Variants in RPS6KC1 observed in about 807,000 individuals in gnomAD.
RPS6KC1 encodes the protein ribosomal protein S6 kinase C1.
In RPS6KC1, 54 loss-of-function variants were observed where a neutral mutation model predicts 103.8. The ratio of observed to expected loss-of-function variants is 0.52; its 90% CI spans 0.42 to 0.65. RPS6KC1 has a LOEUF of 0.65. Among genes scored for constraint, RPS6KC1 ranks in the 30% least tolerant of loss-of-function variants. RPS6KC1 has a pLI of 0.00. For missense variants in RPS6KC1, 1,151 were observed against 1,253.8 expected, an observed-to-expected ratio of 0.92 and a Z score of 1.24; for synonymous variants, 439 against 438.7, an observed-to-expected ratio of 1.00 and a Z score of -0.01.
the RPS6KC1 span, among the ~76,000 whole-genome samples, chr1:213,674,049 C>T: frequency 2.6e-5 from 4 of 151,996 alleles, no homozygotes; most frequent in Non-Finnish European, 5.9e-5. Flanking sequence ...GACAGAGTCT[C>T]GCTATGTTGC....
chr1:213,551,462 A>G, the RPS6KC1 span, among the ~76,000 whole-genome samples: 1 of 152,142 alleles, frequency 6.6e-6, no homozygotes, highest in African/African-American at 2.4e-5. Flanking sequence ...CTCTCCATGA[A>G]TGTTGGTATC....
At chr1:213,265,910 G>T (rs557043169) in intron 14 of RPS6KC1, among the ~76,000 whole-genome samples, 1 of 152,244 alleles carries the variant, frequency 6.6e-6, no homozygotes, top group South Asian at 2.1e-4. Context: ...TCAAATCTTT[G>T]CCACTTACTA....
chr1:213,189,499 A>C (rs1402120397), intron 8 of RPS6KC1, among the ~76,000 whole-genome samples: 1 of 151,266 alleles, frequency 6.6e-6, no homozygotes. Flanking sequence ...CACACTTCTT[A>C]AATTTTTTTT....
At chr1:213,732,360 C>CGTGTGTGT in the RPS6KC1 span, among the ~76,000 whole-genome samples, 2 of 150,772 alleles carry the variant, frequency 1.3e-5, no homozygotes, top group Non-Finnish European at 3.0e-5. Context: ...TGTGCGTGTG[C>CGTGTGTGT]GTGTGTGTGT....
the RPS6KC1 span, among the ~76,000 whole-genome samples, chr1:213,604,709 G>A: frequency 2.0e-5 from 3 of 152,172 alleles, no homozygotes; most frequent in African/African-American, 7.2e-5. Context: ...CTGCAGCCCT[G>A]GGGCGACCAT....
chr1:213,424,959 T>G, the RPS6KC1 span, among the ~76,000 whole-genome samples: 11 of 152,146 alleles, frequency 7.2e-5, no homozygotes, highest in Non-Finnish European at 1.3e-4. Flanking sequence ...GGACAGAGGC[T>G]GAAGCCCACC....
At chr1:213,279,278 T>C (rs903451451), downstream of RPS6KC1, among the ~76,000 whole-genome samples, 2 of 152,170 alleles carry the variant, frequency 1.3e-5, no homozygotes, top group Non-Finnish European at 2.9e-5. Flanking sequence ...AGAATATAAA[T>C]GAGGGGGTAC....
At chr1:213,483,701 T>C in the RPS6KC1 span, among the ~76,000 whole-genome samples, 1 of 152,256 alleles carries the variant, frequency 6.6e-6, no homozygotes, top group Non-Finnish European at 1.5e-5. Flanking sequence ...TGGCTCCTGT[T>C]AGCATCTCTG....
At chr1:213,678,303 C>T in the RPS6KC1 span, among the ~76,000 whole-genome samples, 2 of 152,226 alleles carry the variant, frequency 1.3e-5, no homozygotes, top group South Asian at 4.1e-4. Context: ...ACACTAGCCC[C>T]TGCATTAAGA....
chr1:213,607,683 G>A, the RPS6KC1 span, among the ~76,000 whole-genome samples: 14 of 96,722 alleles, frequency 1.4e-4, no homozygotes, highest in Non-Finnish European at 1.3e-4. Flanking sequence ...AGTGACAGTT[G>A]CAATTACACA....
At chr1:213,298,746 CTT>C in the RPS6KC1 span, among the ~76,000 whole-genome samples, 1 of 151,914 alleles carries the variant, frequency 6.6e-6, no homozygotes, top group Non-Finnish European at 1.5e-5. Context: ...TTTATAGCAT[CTT>C]ATTCTTGTTT....
At chr1:213,065,506 T>G (rs1022089333) in intron 1 of RPS6KC1, among the ~76,000 whole-genome samples, 7 of 152,238 alleles carry the variant, frequency 4.6e-5, no homozygotes, top group African/African-American at 1.7e-4. Context: ...ACAGAAAGAA[T>G]TGTTACTCAT....
chr1:213,396,779 G>A, the RPS6KC1 span, among the ~76,000 whole-genome samples: 1 of 152,156 alleles, frequency 6.6e-6, no homozygotes. Flanking sequence ...TGTGCTCATC[G>A]CTGGGAAGCA....
At chr1:213,086,583 T>C (rs907786262) in intron 3 of RPS6KC1, among the ~76,000 whole-genome samples, 1 of 152,244 alleles carries the variant, frequency 6.6e-6, no homozygotes, top group Non-Finnish European at 1.5e-5. Flanking sequence ...TAGTTAATTC[T>C]GGGTAAATAG....
chr1:213,128,980 T>A (rs1189299974), intron 5 of RPS6KC1, among the ~76,000 whole-genome samples: 1 of 152,200 alleles, frequency 6.6e-6, no homozygotes, highest in Non-Finnish European at 1.5e-5. Flanking sequence ...TTAAGTAACC[T>A]GCTGTTGGTC....
At chr1:213,540,228 T>C in the RPS6KC1 span, among the ~76,000 whole-genome samples, 4 of 152,232 alleles carry the variant, frequency 2.6e-5, no homozygotes, top group African/African-American at 9.6e-5. Context: ...TGTTCTTGCT[T>C]CAGCCTTCTG....
chr1:213,396,743 G>A, the RPS6KC1 span, among the ~76,000 whole-genome samples: 1 of 152,192 alleles, frequency 6.6e-6, no homozygotes, highest in Non-Finnish European at 1.5e-5. Flanking sequence ...TTCCATACGC[G>A]TTTGTGGCGC....
the RPS6KC1 span, among the ~76,000 whole-genome samples, chr1:213,316,281 G>A: frequency 6.6e-6 from 1 of 152,238 alleles, no homozygotes; most frequent in South Asian, 2.1e-4. Context: ...CAGCCATGCT[G>A]AATGGAGTTG....
intron 3 of RPS6KC1, among the ~76,000 whole-genome samples, chr1:213,081,318 T>C (rs2079859039): frequency 1.3e-5 from 2 of 152,074 alleles, no homozygotes; most frequent in African/African-American, 4.8e-5. Flanking sequence ...AGAAGGGGAA[T>C]GAGAGGCCAC....
Sources: gnomAD v4.1 joint callset for allele counts (sites outside exome capture counted in the v4.1 genomes callset) on GRCh38, gnomAD v4.1.1 for gene constraint, MANE v1.5 for transcripts, NCBI Gene and HGNC (gene_info 2026-07-23, HGNC 2026-07-21) for gene names.